The following DPYD variants were observed in gnomAD, a reference collection of about 807,000 sequenced individuals.
DPYD encodes dihydropyrimidine dehydrogenase [NADP(+)].
DPYD carries 109 observed loss-of-function variants against 116.2 expected under a neutral mutation model. The ratio of observed to expected loss-of-function variants is 0.94; its 90% CI spans 0.80 to 1.10. The LOEUF is 1.10. Among genes scored for constraint, DPYD ranks in the 50% least tolerant of loss-of-function variants. The pLI, the probability that DPYD is intolerant of heterozygous loss-of-function variation, is 0.00. For synonymous variants in DPYD, 440 were observed against 432.0 expected, an observed-to-expected ratio of 1.02 and a Z score of -0.23; for missense variants, 1,302 against 1,254.5, an observed-to-expected ratio of 1.04 and a Z score of -0.57.
At chr1:97,605,550 G>A (rs1204992797) in intron 8 of DPYD, among the ~76,000 whole-genome samples, 1 of 152,044 alleles carries the variant, frequency 6.6e-6, no homozygotes, top group African/African-American at 2.4e-5. Flanking sequence ...ATGTGAAACT[G>A]TGAGTCAATT....
chr1:97,194,645 C>T (rs1215355017), intron 19 of DPYD, among the ~76,000 whole-genome samples: 1 of 152,006 alleles, frequency 6.6e-6, no homozygotes, highest in South Asian at 2.1e-4. Context: ...GCTGGGACTA[C>T]AGGGACACAC....
chr1:97,651,528 A>G (rs1658584478), intron 8 of DPYD, among the ~76,000 whole-genome samples: 1 of 152,076 alleles, frequency 6.6e-6, no homozygotes, highest in Non-Finnish European at 1.5e-5. Context: ...ATCATTTTCT[A>G]TCAGTGCCCA....
chr1:97,679,384 G>T (rs1660319799), intron 7 of DPYD, among the ~76,000 whole-genome samples: 1 of 152,040 alleles, frequency 6.6e-6, no homozygotes, highest in Non-Finnish European at 1.5e-5. Flanking sequence ...TCTATTAAGG[G>T]CTAAATGCAG....
chr1:97,201,549 CAAAATTATAATTTTATAAA>C (rs1266842507), intron 19 of DPYD, among the ~76,000 whole-genome samples: 1 of 151,954 alleles, frequency 6.6e-6, no homozygotes, highest in African/African-American at 2.4e-5. Context: ...AATAAAACAC[CAAAATTATAATTTTATAAA>C]AATATAGGTT....
At chr1:97,491,428 A>G (rs1678970661) in intron 13 of DPYD, among the ~76,000 whole-genome samples, 1 of 151,790 alleles carries the variant, frequency 6.6e-6, no homozygotes, top group African/African-American at 2.4e-5. Context: ...CTGAAAAATA[A>G]CTAATTTTTG....
At chr1:97,432,600 C>T (rs1291800617) in intron 14 of DPYD, among the ~76,000 whole-genome samples, 1 of 151,990 alleles carries the variant, frequency 6.6e-6, no homozygotes, top group African/African-American at 2.4e-5. Context: ...CTATGGACCA[C>T]TCTCAAGAAT....
At chr1:97,082,201 T>A (rs55792021) in intron 22 of DPYD, 129 bp downstream of exon 22, 32 of 1,114,090 alleles carry the variant, frequency 2.9e-5, no homozygotes, top group Non-Finnish European at 4.2e-5. Flanking sequence ...CAGAAAGATG[T>A]ACTGTTGCAG....
At chr1:97,209,929 T>A (rs1232064926) in intron 19 of DPYD, among the ~76,000 whole-genome samples, 2 of 152,194 alleles carry the variant, frequency 1.3e-5, no homozygotes, top group Non-Finnish European at 2.9e-5. Flanking sequence ...CATCTTTAAT[T>A]CCACAAACTG....
At chr1:97,199,383 G>A (rs1659046384) in intron 19 of DPYD, among the ~76,000 whole-genome samples, 1 of 152,028 alleles carries the variant, frequency 6.6e-6, no homozygotes, top group Non-Finnish European at 1.5e-5. Context: ...GTGTAATCAT[G>A]AGCATTTTTT....
At chr1:97,862,376 C>T (rs1351860688) in intron 2 of DPYD, among the ~76,000 whole-genome samples, 2 of 151,728 alleles carry the variant, frequency 1.3e-5, no homozygotes, top group African/African-American at 4.8e-5. Flanking sequence ...AAGCCAGACA[C>T]AAGCTGAGAA....
chr1:97,278,467 C>T (rs1012796097), intron 18 of DPYD, among the ~76,000 whole-genome samples: 1 of 152,206 alleles, frequency 6.6e-6, no homozygotes, highest in African/African-American at 2.4e-5. Flanking sequence ...TGTGCCGGCA[C>T]ATGACTAAGC....
chr1:97,619,200 A>T (rs1656484538), intron 8 of DPYD, among the ~76,000 whole-genome samples: 2 of 152,322 alleles, frequency 1.3e-5, no homozygotes, highest in East Asian at 1.9e-4. Context: ...TTTCAAATCA[A>T]TTAGGTAATC....
intron 6 of DPYD, among the ~76,000 whole-genome samples, chr1:97,697,101 C>A (rs548198855): frequency 6.6e-6 from 1 of 152,062 alleles, no homozygotes; most frequent in African/African-American, 2.4e-5. Context: ...TAATATCAAG[C>A]CCTTTTAACC....
chr1:97,405,580 A>T (rs1673610495), intron 14 of DPYD, among the ~76,000 whole-genome samples: 2 of 151,916 alleles, frequency 1.3e-5, no homozygotes, highest in African/African-American at 4.8e-5. Flanking sequence ...CAGTTCTGTG[A>T]TCTTGGCTCA....
rs146595980 is a variant in DPYD at position 97,490,290 on chromosome 1, C to A, written c.1740+25436G>T. 4.1e-3 allele frequency among the ~76,000 whole-genome samples: 611 copies of A among 149,122 alleles called. 1 individual carries two copies. The highest frequency in any genetic ancestry group is 5.9e-3 in the Non-Finnish European group (395 of 67,378). The stretch of plus-strand genomic sequence containing the variant: ...AACCATTCTGTCTCATACCTTCATC[C>A]TTTATTATTATACTACTACTAATAT... On this transcript the variant is annotated intron_variant, in intron 13 of 22. Transcript: ENST00000370192.
intron 21 of DPYD, among the ~76,000 whole-genome samples, chr1:97,091,318 G>A (rs1649883276): frequency 6.6e-6 from 1 of 152,090 alleles, no homozygotes; most frequent in South Asian, 2.1e-4. Flanking sequence ...GGTGGACAGA[G>A]AAAATATTAA....
At chr1:97,300,525 G>C (rs1369513867) in intron 18 of DPYD, among the ~76,000 whole-genome samples, 2 of 151,984 alleles carry the variant, frequency 1.3e-5, no homozygotes, top group African/African-American at 4.8e-5. Context: ...TGTAATGTGT[G>C]GTGTAAGAAC....
intron 18 of DPYD, chr1:97,295,661 G>T: frequency 1.7e-6 from 1 of 580,252 alleles, no homozygotes; most frequent in Non-Finnish European, 2.2e-6. Context: ...AAACTCCTGG[G>T]CTCAAGCAAT....
At chr1:97,105,438 TA>T (rs750558292) in intron 20 of DPYD, among the ~76,000 whole-genome samples, 5 of 152,126 alleles carry the variant, frequency 3.3e-5, no homozygotes, top group Non-Finnish European at 5.9e-5. Flanking sequence ...CCATAGTCTT[TA>T]TCTAAGAACA....
Sources: allele counts gnomAD v4.1 joint callset (sites outside exome capture counted in the v4.1 genomes callset), GRCh38; gene constraint gnomAD v4.1.1; transcripts MANE v1.5; gene names NCBI Gene and HGNC (gene_info 2026-07-23, HGNC 2026-07-21).